Variants in MFHAS1 observed in about 807,000 individuals in gnomAD.
MFHAS1 encodes the protein multifunctional ROCO family signaling regulator 1, also known as malignant fibrous histiocytoma-amplified sequence 1.
Under a neutral mutation model 70.4 loss-of-function variants are expected in MFHAS1, and 50 were observed. The observed-to-expected ratio is 0.71, with a 90% CI of 0.57 to 0.90. MFHAS1 has a LOEUF of 0.90. Ranked by LOEUF, MFHAS1 falls within the 40% of genes least tolerant of loss-of-function variation. MFHAS1 has a pLI of 0.00. For missense variants in MFHAS1, 1,795 were observed against 1,347.6 expected, an observed-to-expected ratio of 1.33 and a Z score of -5.20; for synonymous variants, 952 against 620.0, an observed-to-expected ratio of 1.54 and a Z score of -7.96.
intron 2 of MFHAS1, among the ~76,000 whole-genome samples, chr8:8,794,909 AT>A (rs1805839804): frequency 6.6e-6 from 1 of 152,052 alleles, no homozygotes; most frequent in Non-Finnish European, 1.5e-5. Context: ...GGCTGATAAC[AT>A]TTTTTTCAGG....
intron 1 of MFHAS1, among the ~76,000 whole-genome samples, chr8:8,888,565 A>G (rs2116944653): frequency 6.6e-6 from 1 of 152,324 alleles, no homozygotes; most frequent in East Asian, 1.9e-4. Context: ...AAGAACTACA[A>G]AGGATGAGGA....
intron 1 of MFHAS1, among the ~76,000 whole-genome samples, chr8:8,878,420 CT>C (rs1380712694): frequency 1.3e-5 from 2 of 152,030 alleles, no homozygotes; most frequent in East Asian, 1.9e-4. Context: ...AAGATCACCC[CT>C]AGGAGGCACT....
At chr8:8,794,241 C>T (rs924963115) in intron 2 of MFHAS1, among the ~76,000 whole-genome samples, 1 of 152,060 alleles carries the variant, frequency 6.6e-6, no homozygotes, top group African/African-American at 2.4e-5. Flanking sequence ...TAAGTTACCT[C>T]GGCTGGAGTT....
chr8:8,880,687 T>G (rs965923915), intron 1 of MFHAS1, among the ~76,000 whole-genome samples: 47 of 144,890 alleles, frequency 3.2e-4, no homozygotes, highest in South Asian at 6.6e-4. Flanking sequence ...CTTTTTTGTT[T>G]TTTTTTTTTT....
intron 1 of MFHAS1, among the ~76,000 whole-genome samples, chr8:8,872,627 A>C (rs1203236188): frequency 1.3e-5 from 2 of 152,202 alleles, no homozygotes; most frequent in Admixed American, 6.5e-5. Context: ...GGATGCATGA[A>C]CAGCATTCAA....
intron 1 of MFHAS1, among the ~76,000 whole-genome samples, chr8:8,858,648 G>A (rs1253732744): frequency 6.6e-6 from 1 of 151,988 alleles, no homozygotes; most frequent in African/African-American, 2.4e-5. Flanking sequence ...GTATATATAT[G>A]GGGGGTTGGG....
chr8:8,883,663 G>A (rs1288315542), intron 1 of MFHAS1, among the ~76,000 whole-genome samples: 1 of 129,160 alleles, frequency 7.7e-6, no homozygotes, highest in Non-Finnish European at 1.6e-5. Context: ...AGCTCAGACA[G>A]CGCCACTACA....
At chr8:8,822,553 C>T (rs1480513666) in intron 1 of MFHAS1, among the ~76,000 whole-genome samples, 2 of 142,004 alleles carry the variant, frequency 1.4e-5, no homozygotes, top group Admixed American at 7.0e-5. Flanking sequence ...GAGACAGTGA[C>T]CCAAGTCAGG....
At position 8,891,378 on chromosome 8, in the gene MFHAS1, G is replaced by C; in HGVS notation, c.1681C>G (p.Gln561Glu). 6.2e-7 allele frequency: 1 copy of C among 1,611,726 alleles called. No individual in the cohort carries two copies. Among genetic ancestry groups the C allele is most frequent in the Non-Finnish European group, 8.5e-7 (1 of 1,180,022 alleles). ...CLDIHRQIAL[Q>E]EKHDAEGLSR... ...AGTCCCTCCGCGTCGTGCTTCTCCTGCAGGGCGATCTGGCGGTGAATGTCC... is the reference window on the plus strand; with the variant it reads ...AGTCCCTCCGCGTCGTGCTTCTCCTCCAGGGCGATCTGGCGGTGAATGTCC... Residue 561 changes from glutamine to glutamate, a missense_variant, in exon 1 of 3, where the codon CAG becomes GAG. Physicochemically the swap from Gln to Glu is conservative, Grantham distance 29. Transcript: ENST00000276282. The surrounding 1 kb of genome is among the most constrained non-coding windows in gnomAD (Gnocchi z 5.4).
intron 1 of MFHAS1, among the ~76,000 whole-genome samples, chr8:8,842,925 T>A (rs1033374231): frequency 6.6e-6 from 1 of 152,202 alleles, no homozygotes; most frequent in African/African-American, 2.4e-5. Flanking sequence ...ATTAGCATGG[T>A]TTGAATTAAC....
Position 8,892,544 on chromosome 8 carries a change from T to C in MFHAS1, c.515A>G (p.His172Arg), listed in dbSNP as rs1342253786. 1 of 1,594,160 alleles carries C rather than the reference T, an allele frequency of 6.3e-7. No homozygotes were observed. Among genetic ancestry groups the C allele is most frequent in the African/African-American group, 1.3e-5 (1 of 74,322 alleles). ...ELDVSFNRLAHLPDSLSCLSR... is the reference protein window; with the variant it reads ...ELDVSFNRLARLPDSLSCLSR... ...GAGGCAGGAGAGGGAGTCAGGCAGGTGCGCCAGCCGGTTAAAGCTGACATC... is the reference window on the plus strand; with the variant it reads ...GAGGCAGGAGAGGGAGTCAGGCAGGCGCGCCAGCCGGTTAAAGCTGACATC... Residue 172 changes from histidine (H) to arginine (R), a missense_variant, in exon 1 of 3, where the codon CAC (histidine) becomes CGC (arginine). Physicochemically the swap from His to Arg is conservative, Grantham distance 29. Coordinates refer to ENST00000276282, the MANE Select transcript of MFHAS1 (RefSeq NM_004225.3). This position sits in a 1 kb window ranked among gnomAD's most constrained non-coding sequence, Gnocchi z 4.7.
intron 1 of MFHAS1, among the ~76,000 whole-genome samples, chr8:8,877,365 A>G (rs959716588): frequency 6.6e-6 from 1 of 151,644 alleles, no homozygotes; most frequent in Non-Finnish European, 1.5e-5. Flanking sequence ...TGGCATTTTC[A>G]GTCAGTGAGT....
rs185970832 is a variant in MFHAS1 at position 8,842,392 on chromosome 8, A to G, written c.2999-44901T>C. Reference sequence around the variant, plus strand: ...GTAGAGACAGGGTTTCACCACGTTCACCAGGCTGATCTCGAACTCCTGACT... The same window carrying G: ...GTAGAGACAGGGTTTCACCACGTTCGCCAGGCTGATCTCGAACTCCTGACT... On this transcript the variant is annotated intron_variant, in intron 1 of 2. Coordinates refer to ENST00000276282, the MANE Select transcript of MFHAS1 (RefSeq NM_004225.3). Among the ~76,000 whole-genome samples the G allele has an allele frequency of 1.1e-4, 16 of 152,094 alleles. No individual in the cohort carries two copies. The East Asian group carries it at 3.1e-3, about 30-fold the overall frequency.
intron 1 of MFHAS1, among the ~76,000 whole-genome samples, chr8:8,813,758 T>G (rs1806636075): frequency 6.6e-6 from 1 of 152,174 alleles, no homozygotes; most frequent in African/African-American, 2.4e-5. Flanking sequence ...GTTAATTTAC[T>G]ATTAAAGAAA....
intron 1 of MFHAS1, among the ~76,000 whole-genome samples, chr8:8,853,136 G>C (rs982599208): frequency 1.3e-5 from 2 of 151,704 alleles, no homozygotes; most frequent in African/African-American, 4.8e-5. Context: ...ACACAAACAA[G>C]GCTCTTGCCA....
At chr8:8,822,148 C>CA (rs143575738) in intron 1 of MFHAS1, 7,506 of 152,618 alleles carry the variant, frequency 0.049, 260 homozygotes, top group Admixed American at 0.089. Flanking sequence ...GCGGCAGCAC[C>CA]AGGCAGGCTG....
chr8:8,864,668 G>C (rs1808791331), intron 1 of MFHAS1, among the ~76,000 whole-genome samples: 2 of 152,124 alleles, frequency 1.3e-5, no homozygotes, highest in Admixed American at 1.3e-4. Context: ...CTACCCACCA[G>C]ACACTTTTGA....
intron 1 of MFHAS1, among the ~76,000 whole-genome samples, chr8:8,801,752 G>A (rs746870750): frequency 3.9e-5 from 6 of 152,268 alleles, no homozygotes; most frequent in Admixed American, 2.0e-4. Context: ...AAGACGCAGG[G>A]GTCTGAGAGT....
intron 1 of MFHAS1, among the ~76,000 whole-genome samples, chr8:8,873,217 G>A (rs1048630512): frequency 6.6e-6 from 1 of 152,226 alleles, no homozygotes; most frequent in African/African-American, 2.4e-5. Flanking sequence ...GCTATGCCAT[G>A]AGTCAAGAGA....
Sources: gnomAD v4.1 joint callset for allele counts (sites outside exome capture counted in the v4.1 genomes callset) on GRCh38, gnomAD v4.1.1 for gene constraint, Gnocchi (gnomAD v3.1) non-coding constraint, MANE v1.5 for transcripts, NCBI Gene and HGNC (gene_info 2026-07-23, HGNC 2026-07-21) for gene names.